WDR89: variants seen among roughly 807,000 people sequenced by gnomAD.
The protein encoded by WDR89 is WD repeat domain 89, also known as WD repeat-containing protein 89.
Under a neutral mutation model 29.1 loss-of-function variants are expected in WDR89, and 17 were observed. The observed-to-expected ratio is 0.58, with a 90% confidence interval of 0.40 to 0.88. The LOEUF is 0.88. WDR89 is among the 40% of genes least tolerant of loss of function. The pLI is 0.00. For missense variants in WDR89, 396 were observed against 456.3 expected, an observed-to-expected ratio of 0.87 and a Z score of 1.20; for synonymous variants, 138 against 157.8, an observed-to-expected ratio of 0.87 and a Z score of 0.94.
At chr14:63,616,628 A>G (rs1482480092) in intron 2 of WDR89, among the ~76,000 whole-genome samples, 1 of 152,198 alleles carries the variant, frequency 6.6e-6, no homozygotes, top group Non-Finnish European at 1.5e-5. Context: ...AGAAACAACA[A>G]GTAGGCCAGT....
In WDR89 at chr14:63,599,154, G is replaced by C. The variant is rs774457991; in HGVS notation, c.789C>G (p.Val263=). ...EPVTRLNIQD[V]REVVNMKEDA... is the part of the protein sequence containing the mutation. ...CTTCTTTCATGTTAACTACTTCTCT[G>C]ACATCCTGGATGTTCAAACGTGTAA... Residue 263 remains valine, a synonymous_variant, in exon 3 of 3, where the codon GTC becomes GTG. Transcript: ENST00000620954. The C allele has an allele frequency of 1.2e-6, 2 of 1,612,856 alleles. No homozygotes were observed. The highest frequency in any genetic ancestry group is 1.7e-6 in the Non-Finnish European group (2 of 1,179,242).
intron 2 of WDR89, among the ~76,000 whole-genome samples, chr14:63,610,184 C>T (rs1881863296): frequency 7.2e-6 from 1 of 139,418 alleles, no homozygotes. Flanking sequence ...CGCACCACTG[C>T]ACTCTGGCCG....
intron 1 of WDR89, among the ~76,000 whole-genome samples, chr14:63,632,527 G>A (rs1883474516): frequency 6.6e-6 from 1 of 152,026 alleles, no homozygotes; most frequent in Admixed American, 6.6e-5. Flanking sequence ...CAGCTACTAG[G>A]GAGGCTAAGG....
chr14:63,614,486 A>G (rs1410381319), intron 2 of WDR89, among the ~76,000 whole-genome samples: 2 of 151,890 alleles, frequency 1.3e-5, no homozygotes, highest in Admixed American at 6.6e-5. Context: ...TATATTACAC[A>G]TATCTGATGT....
At chr14:63,621,317 A>G (rs969418541) in intron 2 of WDR89, among the ~76,000 whole-genome samples, 1 of 152,114 alleles carries the variant, frequency 6.6e-6, no homozygotes, top group Non-Finnish European at 1.5e-5. Context: ...CAATCTCGCA[A>G]TCTCGGCTGG....
chr14:63,601,455 CTA>C (rs1389950537), intron 2 of WDR89: 9 of 1,069,218 alleles, frequency 8.4e-6, no homozygotes, highest in Non-Finnish European at 1.3e-5. Context: ...CCTAGTAACA[CTA>C]TAATAAATTC....
chr14:63,624,245 T>C (rs950110259), intron 2 of WDR89, among the ~76,000 whole-genome samples: 6 of 151,976 alleles, frequency 3.9e-5, no homozygotes, highest in Admixed American at 1.3e-4. Context: ...GGGAGGTGGA[T>C]GGCTTGAGTC....
chr14:63,599,496 C>T lies in WDR89; in HGVS notation c.447G>A (p.Arg149=). The T allele has an allele frequency of 6.2e-7, 1 of 1,614,160 alleles. No homozygotes were observed. The highest frequency in any genetic ancestry group is 8.5e-7 in the Non-Finnish European group (1 of 1,180,032). Residue 149 remains arginine, a synonymous_variant, in exon 3 of 3, where the codon AGG becomes AGA. Transcript: ENST00000620954. ...TTGTAGATAAATTCTGAGAATTCATCCTTGCATCCCAAAACACCAACAATG... is the reference window on the plus strand; with the variant it reads ...TTGTAGATAAATTCTGAGAATTCATTCTTGCATCCCAAAACACCAACAATG... ...DDALLVFWDA[R]MNSQNLSTTK... is the part of the protein sequence containing the mutation.
At chr14:63,621,229 A>C (rs1268736955) in intron 2 of WDR89, among the ~76,000 whole-genome samples, 1 of 152,150 alleles carries the variant, frequency 6.6e-6, no homozygotes, top group Non-Finnish European at 1.5e-5. Flanking sequence ...AAAAAAACTT[A>C]TACATAAATT....
chr14:63,617,390 G>A (rs1882388102), intron 2 of WDR89, among the ~76,000 whole-genome samples: 1 of 151,014 alleles, frequency 6.6e-6, no homozygotes, highest in African/African-American at 2.4e-5. Flanking sequence ...CTAATTACAA[G>A]CTTTTAAGAT....
In WDR89 at chr14:63,617,077, CTTT is replaced by C. The variant is rs10602220; in HGVS notation, c.-32+7848_-32+7850del. 5.1e-3 allele frequency among the ~76,000 whole-genome samples: 528 copies of C among 104,106 alleles called. 5 individuals are homozygous for C. The highest frequency in any genetic ancestry group is 0.02 in the African/African-American group (471 of 23,730). The allele number at this position is 104,106 out of a possible 152,430, so 68.3% of individuals were successfully genotyped here. A position where few individuals can be genotyped will look rare whatever the true frequency, so the allele number is the denominator to read the frequency against. ...ATATTATTAATACTTTAATTACAAGCTTTTTTTTTTTTTTTTTTTTGAGACAGA... is the reference window on the plus strand; with the variant it reads ...ATATTATTAATACTTTAATTACAAGCTTTTTTTTTTTTTTTTTGAGACAGA... On this transcript the variant is annotated intron_variant, in intron 2 of 2. Coordinates refer to ENST00000620954, the MANE Select transcript of WDR89 (RefSeq NM_080666.4).
intron 2 of WDR89, among the ~76,000 whole-genome samples, chr14:63,622,518 T>C (rs865884635): frequency 1.3e-5 from 2 of 151,238 alleles, no homozygotes; most frequent in East Asian, 1.9e-4. Context: ...GGGGTGGAGG[T>C]TGCAGTGAGC....
intron 1 of WDR89, among the ~76,000 whole-genome samples, chr14:63,637,154 T>C (rs920810678): frequency 1.3e-5 from 2 of 151,998 alleles, no homozygotes; most frequent in Non-Finnish European, 2.9e-5. Flanking sequence ...AACAAACCTA[T>C]GAAAAAATGC....
In WDR89 at chr14:63,599,247, A is replaced by T. The variant is rs531940599; in HGVS notation, c.696T>A (p.Ile232=). 1 of 1,609,126 alleles carries T rather than the reference A, an allele frequency of 6.2e-7. No individual in the cohort carries two copies. The highest frequency in any genetic ancestry group is 1.3e-5 in the African/African-American group (1 of 74,940). The change falls in exon 3 of 3, where the codon ATT becomes ATA. Residue 232 remains isoleucine (I), a synonymous_variant. Coordinates refer to ENST00000620954, the MANE Select transcript of WDR89 (RefSeq NM_080666.4). Reference sequence around the variant, plus strand: ...ATCCTTCATCATGTGTCATGCAGTAAATCTGTTTATAACCTTTCCCAGACC... The same window carrying T: ...ATCCTTCATCATGTGTCATGCAGTATATCTGTTTATAACCTTTCCCAGACC... ...IGWSGKGYKQ[I]YCMTHDEGFY... is the part of the protein sequence containing the mutation.
chr14:63,624,185 A>G (rs558294941), intron 2 of WDR89, among the ~76,000 whole-genome samples: 49 of 152,172 alleles, frequency 3.2e-4, no homozygotes, highest in African/African-American at 1.2e-3. Context: ...TGCAAACTAC[A>G]GGCCAAGCAT....
At chr14:63,620,776 T>C (rs1469500134) in intron 2 of WDR89, among the ~76,000 whole-genome samples, 1 of 151,784 alleles carries the variant, frequency 6.6e-6, no homozygotes, top group East Asian at 1.9e-4. Flanking sequence ...CAAGTACCTG[T>C]AGTCTCAGCT....
intron 1 of WDR89, among the ~76,000 whole-genome samples, chr14:63,627,144 A>ACTCTCTCTCTCTCT (rs1471637626): frequency 2.3e-5 from 3 of 131,462 alleles, no homozygotes; most frequent in Admixed American, 7.9e-5. Context: ...ACACACACAC[A>ACTCTCTCTCTCTCT]CACACACTCT....
At position 63,599,888 on chromosome 14, in the gene WDR89, C is replaced by T; in HGVS notation, c.55G>A (p.Gly19Arg). The T allele has an allele frequency of 6.2e-7, 1 of 1,613,464 alleles. No individual in the cohort carries two copies. The highest frequency in any genetic ancestry group is 8.5e-7 in the Non-Finnish European group (1 of 1,179,736). The stretch of plus-strand genomic sequence containing the variant: ...AGAAGGTAAGTGGGCTCTTTGGTTC[C>T]TAAGGAACATTTAACAATGTGCAGA... ...ANLHIVKCSL[G>R]TKEPTYLLGI... The change falls in exon 3 of 3, where the codon GGA becomes AGA. Residue 19 changes from glycine to arginine, a missense_variant. By Grantham distance (125) the Gly-to-Arg change is moderately radical (BLOSUM62 -2). Coordinates refer to ENST00000620954, the MANE Select transcript of WDR89 (RefSeq NM_080666.4).
intron 2 of WDR89, among the ~76,000 whole-genome samples, chr14:63,612,252 C>G (rs908901300): frequency 6.6e-6 from 1 of 152,060 alleles, no homozygotes; most frequent in Non-Finnish European, 1.5e-5. Context: ...TACAGCAGAG[C>G]CAACAGAATC....
Sources: allele counts gnomAD v4.1 joint callset (sites outside exome capture counted in the v4.1 genomes callset), GRCh38; gene constraint gnomAD v4.1.1; transcripts MANE v1.5; gene names NCBI Gene and HGNC (gene_info 2026-07-23, HGNC 2026-07-21).